Variants in PACRGL observed in about 807,000 individuals in gnomAD.
PACRGL encodes the protein PACRG-like protein.
PACRGL carries 38 observed loss-of-function variants against 34.5 expected under a neutral mutation model. The ratio of observed to expected loss-of-function variants is 1.10; its 90% CI spans 0.85 to 1.44. The LOEUF (loss-of-function observed/expected upper bound fraction) is 1.44, where lower values mean the gene tolerates loss of function less well. PACRGL is among the 40% of genes most tolerant of loss of function. PACRGL has a pLI of 0.00. For missense variants in PACRGL, 305 were observed against 281.4 expected, an observed-to-expected ratio of 1.08 and a Z score of -0.60; for synonymous variants, 128 against 100.1, an observed-to-expected ratio of 1.28 and a Z score of -1.66.
At chr4:20,702,352 A>C (rs1408510649) in intron 1 of PACRGL, 1 of 363,756 alleles carries the variant, frequency 2.7e-6, no homozygotes, top group Non-Finnish European at 5.5e-6. Context: ...TGATCAAGAG[A>C]AATTGGACCT....
intron 3 of PACRGL, 127 bp downstream of exon 3, chr4:20,704,941 A>G (rs951139010): frequency 1.9e-6 from 2 of 1,056,328 alleles, no homozygotes; most frequent in Non-Finnish European, 2.8e-6. Flanking sequence ...AGAGAAGGGC[A>G]TGTGGTTATT....
intron 7 of PACRGL, among the ~76,000 whole-genome samples, 171 bp downstream of exon 7, chr4:20,713,710 T>C (rs1175578232): frequency 6.6e-6 from 1 of 152,198 alleles, no homozygotes; most frequent in African/African-American, 2.4e-5. Flanking sequence ...TTGTTCTCGT[T>C]GGTTTCAAAG....
At chr4:20,715,373 T>A (rs1051577417) in intron 7 of PACRGL, among the ~76,000 whole-genome samples, 2 of 151,872 alleles carry the variant, frequency 1.3e-5, no homozygotes, top group Admixed American at 1.3e-4. Context: ...TGTATACATA[T>A]GTAACTAACC....
At chr4:20,712,068 A>G (rs1361792932) in intron 5 of PACRGL, among the ~76,000 whole-genome samples, 1 of 152,070 alleles carries the variant, frequency 6.6e-6, no homozygotes, top group Non-Finnish European at 1.5e-5. Flanking sequence ...TCAGAAAGTG[A>G]GTGTACATAA....
At position 20,713,434 on chromosome 4, in the gene PACRGL, C is replaced by A; in HGVS notation, c.504C>A (p.Val168=). The part of the protein sequence containing the change: ...RLIPVLKAAL[V]HSDDEVFERG... ...CCCCCAACTAACCAACCTTACAGGTCCATTCGGATGATGAAGTGTTTGAAA... is the reference window on the plus strand; with the variant it reads ...CCCCCAACTAACCAACCTTACAGGTACATTCGGATGATGAAGTGTTTGAAA... The change falls in exon 7 of 9, where the codon GTC becomes GTA. Residue 168 remains valine, a splice_region_variant and synonymous_variant. Transcript: ENST00000503585. 1.2e-6 allele frequency: 2 copies of A among 1,612,780 alleles called. No individual in the cohort carries two copies. The highest frequency in any genetic ancestry group is 1.7e-6 in the Non-Finnish European group (2 of 1,179,072).
intron 5 of PACRGL, among the ~76,000 whole-genome samples, chr4:20,710,957 G>GCAGGAGGA (rs1736866274): frequency 6.6e-6 from 1 of 152,032 alleles, no homozygotes; most frequent in African/African-American, 2.4e-5. Flanking sequence ...GGAGGCCAAG[G>GCAGGAGGA]TAGGAGGATC....
chr4:20,722,028 G>A (rs1192024964), intron 7 of PACRGL, among the ~76,000 whole-genome samples: 1 of 152,218 alleles, frequency 6.6e-6, no homozygotes, highest in East Asian at 1.9e-4. Context: ...GCAATGGCGG[G>A]CGCCCCTCTC....
intron 8 of PACRGL, among the ~76,000 whole-genome samples, chr4:20,740,383 G>T (rs148070373): frequency 1.3e-5 from 2 of 152,250 alleles, no homozygotes; most frequent in East Asian, 1.9e-4. Flanking sequence ...CGGAACTCTC[G>T]GCAGAAACTT....
At chr4:20,717,227 A>T (rs1740547159) in intron 7 of PACRGL, among the ~76,000 whole-genome samples, 1 of 151,948 alleles carries the variant, frequency 6.6e-6, no homozygotes, top group South Asian at 2.1e-4. Context: ...TGGATTCTGG[A>T]TATTAGCCCT....
intron 8 of PACRGL, among the ~76,000 whole-genome samples, chr4:20,743,070 A>AGG: frequency 6.7e-6 from 1 of 148,852 alleles, no homozygotes; most frequent in Admixed American, 6.7e-5. Flanking sequence ...GACCCTTATA[A>AGG]GTTCACCCTT....
At chr4:20,717,705 G>A (rs965201966) in intron 7 of PACRGL, among the ~76,000 whole-genome samples, 6 of 152,104 alleles carry the variant, frequency 3.9e-5, no homozygotes, top group South Asian at 2.1e-4. Context: ...CTCTGTTTAG[G>A]TACCAGTACC....
chr4:20,745,394 A>T (rs1268061398), intron 8 of PACRGL, among the ~76,000 whole-genome samples: 3 of 152,174 alleles, frequency 2.0e-5, no homozygotes, highest in African/African-American at 4.8e-5. Flanking sequence ...TGATATCAGT[A>T]AAGAGTTACT....
At chr4:20,757,474 T>A (rs1288715068), downstream of PACRGL, among the ~76,000 whole-genome samples, 2 of 152,180 alleles carry the variant, frequency 1.3e-5, no homozygotes, top group African/African-American at 4.8e-5. Flanking sequence ...TAAAGTCCCA[T>A]TTCTTCATAT....
At chr4:20,706,100 TTGAA>T (rs1435559576) in intron 3 of PACRGL, among the ~76,000 whole-genome samples, 4 of 152,030 alleles carry the variant, frequency 2.6e-5, no homozygotes, top group African/African-American at 9.6e-5. Flanking sequence ...TTGTTAAAAA[TTGAA>T]TGGGATAACA....
In PACRGL at chr4:20,732,006, T is replaced by A; in HGVS notation, c.*4665T>A. 7 of 1,613,434 alleles carry A rather than the reference T, an allele frequency of 4.3e-6. No individual in the cohort carries two copies. The highest frequency in any genetic ancestry group is 5.9e-6 in the Non-Finnish European group (7 of 1,179,716). On this transcript the variant is annotated 3_prime_UTR_variant, in exon 9 of 9. Coordinates refer to ENST00000503585, the MANE Select transcript of PACRGL (RefSeq NM_001258345.3). The stretch of plus-strand genomic sequence containing the variant: ...TAGTTATTACACTTTCATTACTTAC[T>A]TTTTGGCAGCTTTCAATGAACTCAT...
At chr4:20,721,781 C>G (rs975657622) in intron 7 of PACRGL, among the ~76,000 whole-genome samples, 3 of 152,194 alleles carry the variant, frequency 2.0e-5, no homozygotes, top group Non-Finnish European at 2.9e-5. Context: ...CAGGGACCCA[C>G]TTGAGGAGGC....
At chr4:20,722,457 A>G (rs1743792223) in intron 7 of PACRGL, among the ~76,000 whole-genome samples, 1 of 152,212 alleles carries the variant, frequency 6.6e-6, no homozygotes, top group South Asian at 2.1e-4. Context: ...CTATTCGGCC[A>G]TCTTGGAACC....
intron 3 of PACRGL, among the ~76,000 whole-genome samples, chr4:20,705,241 C>T (rs778225577): frequency 6.6e-6 from 1 of 152,074 alleles, no homozygotes; most frequent in African/African-American, 2.4e-5. Flanking sequence ...CCTCCTTTGC[C>T]CTCTCCTAAC....
chr4:20,750,711 C>T (rs73240297), intron 8 of PACRGL, among the ~76,000 whole-genome samples: 2,573 of 152,174 alleles, frequency 0.017, 35 homozygotes, highest in Non-Finnish European at 0.027. Context: ...CTTTGCTTGA[C>T]CCTTGATAAA....
Sources: allele counts gnomAD v4.1 joint callset (sites outside exome capture counted in the v4.1 genomes callset), GRCh38; gene constraint gnomAD v4.1.1; transcripts MANE v1.5; gene names NCBI Gene and HGNC (gene_info 2026-07-23, HGNC 2026-07-21).